Variants in UBE2J1 observed in about 807,000 individuals in gnomAD.
UBE2J1 encodes the protein ubiquitin conjugating enzyme E2 J1.
UBE2J1 carries 17 observed loss-of-function variants against 42.1 expected under a neutral mutation model. The ratio of observed to expected loss-of-function variants is 0.40; its 90% CI spans 0.28 to 0.61. The LOEUF is 0.61. UBE2J1 is among the 20% of genes least tolerant of loss of function. The pLI is 0.38. For missense variants in UBE2J1, 291 were observed against 389.4 expected, an observed-to-expected ratio of 0.75 and a Z score of 2.13; for synonymous variants, 127 against 137.2, an observed-to-expected ratio of 0.93 and a Z score of 0.52.
chr6:89,346,479 G>C (rs1344951783), intron 1 of UBE2J1, among the ~76,000 whole-genome samples: 1 of 152,026 alleles, frequency 6.6e-6, no homozygotes, highest in African/African-American at 2.4e-5. Flanking sequence ...TCAATTCCCT[G>C]AACACACTTT....
At chr6:89,346,219 C>A (rs1768362880) in intron 1 of UBE2J1, among the ~76,000 whole-genome samples, 1 of 152,118 alleles carries the variant, frequency 6.6e-6, no homozygotes, top group South Asian at 2.1e-4. Context: ...TATTAATATT[C>A]TTTTCCATTT....
chr6:89,351,670 G>C (rs1437774252), intron 1 of UBE2J1, among the ~76,000 whole-genome samples: 1 of 152,160 alleles, frequency 6.6e-6, no homozygotes, highest in African/African-American at 2.4e-5. Flanking sequence ...TAATATCCTA[G>C]AGTTTATCAT....
At chr6:89,352,394 C>G (rs1768502776) in intron 1 of UBE2J1, 145 bp downstream of exon 1, 1 of 935,424 alleles carries the variant, frequency 1.1e-6, no homozygotes, top group Non-Finnish European at 1.5e-6. Flanking sequence ...GCCTGTACTT[C>G]CCGGGCAGGC....
At position 89,338,440 on chromosome 6, in the gene UBE2J1, A is replaced by G; in HGVS notation, c.322+19T>C. 1 of 1,598,184 alleles carries G rather than the reference A, an allele frequency of 6.3e-7. No individual in the cohort carries two copies. The highest frequency in any genetic ancestry group is 2.2e-5 in the East Asian group (1 of 44,728). On this transcript the variant is annotated intron_variant, in intron 4 of 7. Coordinates refer to ENST00000435041, the MANE Select transcript of UBE2J1 (RefSeq NM_016021.3). ...GACTGAAGTTATGAGATTTATATTC[A>G]CTATAAATTAACACTTACTACTCCA...
At chr6:89,340,456 C>T (rs1212696678) in intron 3 of UBE2J1, among the ~76,000 whole-genome samples, 2 of 152,232 alleles carry the variant, frequency 1.3e-5, no homozygotes, top group Non-Finnish European at 1.5e-5. Flanking sequence ...ACTCCTGACA[C>T]AGTAGAGTGT....
At chr6:89,342,009 T>C (rs548203469) in intron 3 of UBE2J1, among the ~76,000 whole-genome samples, 241 of 152,296 alleles carry the variant, frequency 1.6e-3, no homozygotes, top group African/African-American at 5.5e-3. Flanking sequence ...CAAGGTACAA[T>C]AACATTAGCT....
At chr6:89,351,925 A>G (rs1197353285) in intron 1 of UBE2J1, among the ~76,000 whole-genome samples, 1 of 152,234 alleles carries the variant, frequency 6.6e-6, no homozygotes, top group African/African-American at 2.4e-5. Context: ...ATACAGATAC[A>G]TTTCATATTA....
chr6:89,339,297 G>T (rs1288260072), intron 3 of UBE2J1, among the ~76,000 whole-genome samples: 1 of 148,552 alleles, frequency 6.7e-6, no homozygotes, highest in Non-Finnish European at 1.5e-5. Flanking sequence ...AGGAGTGGTG[G>T]CATGTGCCTC....
chr6:89,345,368 G>T (rs1050209780), intron 1 of UBE2J1, among the ~76,000 whole-genome samples: 2 of 152,300 alleles, frequency 1.3e-5, no homozygotes, highest in African/African-American at 4.8e-5. Flanking sequence ...TTGGGAGACC[G>T]AGGCGAGTGG....
Position 89,340,968 on chromosome 6 carries a change from G to T in UBE2J1, c.237+1356C>A, listed in dbSNP as rs1478919065. Among the ~76,000 whole-genome samples the T allele has an allele frequency of 2.0e-5, 3 of 151,802 alleles. No homozygotes were observed. In the East Asian group the frequency reaches 5.8e-4, roughly 29 times the overall value. On this transcript the variant is annotated intron_variant, in intron 3 of 7. Coordinates refer to ENST00000435041, the MANE Select transcript of UBE2J1 (RefSeq NM_016021.3). ...TTTTTTGTATTTTTAGTAGAGACGG[G>T]GTTTCACCTTGTTAGCCAGGATGGT...
At position 89,352,536 on chromosome 6, in the gene UBE2J1, C is replaced by T; in HGVS notation, c.31+3G>A. 2.5e-6 allele frequency: 4 copies of T among 1,570,668 alleles called. No homozygotes were observed. The highest frequency in any genetic ancestry group is 3.4e-6 in the Non-Finnish European group (4 of 1,164,668). On this transcript the variant is annotated splice_donor_region_variant and intron_variant, in intron 1 of 7. Transcript: ENST00000435041. ...CTCGCCCAGGGGCCCCAGCCCTGCT[C>T]ACCCGGACTCTTCAGGTTGTAGCGG...
Position 89,331,838 on chromosome 6 carries a change from C to G in UBE2J1, c.678+1248G>C, listed in dbSNP as rs147680250. On this transcript the variant is annotated intron_variant, in intron 7 of 7. Transcript: ENST00000435041. ...TAGAATGCTTCTATTAGAAAAAAAA[C>G]TATGAAATAAAAAGTAATTAGAAAG... 1.2e-3 allele frequency among the ~76,000 whole-genome samples: 181 copies of G among 152,112 alleles called. 1 individual carries two copies. The highest frequency in any genetic ancestry group is 2.1e-3 in the Non-Finnish European group (144 of 67,986).
In UBE2J1 at chr6:89,338,294, T is replaced by C. The variant is rs761523741; in HGVS notation, c.339A>G (p.Leu113=). Residue 113 remains leucine (L), a synonymous_variant, in exon 5 of 8, where the codon TTA becomes TTG. Coordinates refer to ENST00000435041, the MANE Select transcript of UBE2J1 (RefSeq NM_016021.3). ...TTGTTGGCATAAACCCAATGATGGC[T>C]AATAATGCTGTCCTTACTGAAATAA... ...QPSWSIRTAL[L]AIIGFMPTKG... is the part of the protein sequence containing the mutation. The C allele has an allele frequency of 5.2e-5, 84 of 1,613,466 alleles. No individual in the cohort carries two copies. The highest frequency in any genetic ancestry group is 7.0e-5 in the Non-Finnish European group (82 of 1,179,720).
chr6:89,345,948 A>G (rs1046113390), intron 1 of UBE2J1, among the ~76,000 whole-genome samples: 1 of 150,124 alleles, frequency 6.7e-6, no homozygotes, highest in African/African-American at 2.5e-5. Context: ...GGGCAGTGGT[A>G]CGAACACAGC....
chr6:89,335,410 T>C lies in UBE2J1; in HGVS notation c.450A>G (p.Glu150=), dbSNP rs1768089337. The C allele has an allele frequency of 2.5e-6, 4 of 1,585,156 alleles. No individual in the cohort carries two copies. The highest frequency in any genetic ancestry group is 2.3e-5 in the East Asian group (1 of 44,100). The part of the protein sequence containing the change: ...LAKKSQDFCC[E]GCGSAMKDVL... ...CATCCTTCATGGCAGAGCCACATCC[T>C]TCACAACAGAAATCTTGTGATCTAG... is the stretch of plus-strand genomic sequence containing the variant. The change falls in exon 6 of 8, where the codon GAA becomes GAG. Residue 150 remains glutamate, a synonymous_variant. Coordinates refer to ENST00000435041, the MANE Select transcript of UBE2J1 (RefSeq NM_016021.3).
chr6:89,333,491 G>GT (rs1041457219), intron 6 of UBE2J1, among the ~76,000 whole-genome samples: 2 of 152,086 alleles, frequency 1.3e-5, no homozygotes, highest in African/African-American at 4.8e-5. Flanking sequence ...AAAACTCAAG[G>GT]TTTTTTTGGT....
chr6:89,338,858 G>T (rs1768172209), intron 3 of UBE2J1, among the ~76,000 whole-genome samples: 1 of 151,458 alleles, frequency 6.6e-6, no homozygotes, highest in African/African-American at 2.4e-5. Flanking sequence ...GTAGAGACGG[G>T]GTTTCACCGT....
At chr6:89,348,623 T>G (rs1447863342) in intron 1 of UBE2J1, among the ~76,000 whole-genome samples, 6 of 152,256 alleles carry the variant, frequency 3.9e-5, no homozygotes, top group African/African-American at 1.4e-4. Flanking sequence ...CAACAAACAT[T>G]TAAAGAATGT....
chr6:89,348,232 T>TG (rs1414735409), intron 1 of UBE2J1, among the ~76,000 whole-genome samples: 1 of 152,166 alleles, frequency 6.6e-6, no homozygotes. Context: ...AAGGAAGGGG[T>TG]GGCACCTGGA....
Sources: gnomAD v4.1 joint callset for allele counts (sites outside exome capture counted in the v4.1 genomes callset) on GRCh38, gnomAD v4.1.1 for gene constraint, MANE v1.5 for transcripts, NCBI Gene and HGNC (gene_info 2026-07-23, HGNC 2026-07-21) for gene names.